Variants in NAALADL2 observed in about 807,000 individuals in gnomAD.
NAALADL2 encodes N-acetylated alpha-linked acidic dipeptidase like 2.
In NAALADL2, 76 loss-of-function variants were observed where a neutral mutation model predicts 87.2. The ratio of observed to expected loss-of-function variants is 0.87; its 90% CI spans 0.72 to 1.05. NAALADL2 has a LOEUF of 1.05. Ranked by LOEUF, NAALADL2 falls within the 50% of genes least tolerant of loss-of-function variation. The pLI is 0.00. For synonymous variants in NAALADL2, 354 were observed against 331.0 expected (o/e 1.07, Z -0.75); for missense variants, 1,089 against 945.8 (o/e 1.15, Z -1.99).
chr3:174,804,785 T>C (rs1020131906), intron 3 of NAALADL2, among the ~76,000 whole-genome samples: 5 of 152,184 alleles, frequency 3.3e-5, no homozygotes, highest in Non-Finnish European at 2.9e-5. Context: ...AATTCTAAAA[T>C]ATTCCTGCTA....
chr3:174,844,868 A>C (rs919009906), intron 3 of NAALADL2, among the ~76,000 whole-genome samples: 1 of 16,144 alleles, frequency 6.2e-5, no homozygotes, highest in East Asian at 1.7e-3. Flanking sequence ...TTTTTGGGGG[A>C]GTCTTTAGGG....
chr3:175,440,754 G>T (rs1269093829), intron 5 of NAALADL2, among the ~76,000 whole-genome samples: 2 of 152,136 alleles, frequency 1.3e-5, no homozygotes, highest in African/African-American at 2.4e-5. Flanking sequence ...AAACTTTGCT[G>T]AATTCATTTA....
chr3:175,129,807 A>T (rs1181476003), intron 2 of NAALADL2, among the ~76,000 whole-genome samples: 1 of 152,204 alleles, frequency 6.6e-6, no homozygotes, highest in Non-Finnish European at 1.5e-5. Context: ...ACTTTGAGAT[A>T]CTAATTTTAT....
Position 175,362,422 on chromosome 3 carries a change from T to G in NAALADL2, c.1090+38097T>G, listed in dbSNP as rs1461863775. Among the ~76,000 whole-genome samples the G allele has an allele frequency of 2.0e-5, 3 of 148,070 alleles. No individual in the cohort carries two copies. In the East Asian group the frequency reaches 5.9e-4, roughly 29 times the overall value. On this transcript the variant is annotated intron_variant, in intron 5 of 13. Transcript: ENST00000454872. ...GTGAAGAAAGTCATTGGTAGCTTGG[T>G]GGGGATGGCATTGAATCTATAAATT...
At chr3:174,787,471 A>G (rs1024111857) in intron 3 of NAALADL2, among the ~76,000 whole-genome samples, 14 of 149,812 alleles carry the variant, frequency 9.3e-5, no homozygotes, top group Non-Finnish European at 1.9e-4. Flanking sequence ...CTCAGTTAAC[A>G]GGATTTGCCA....
chr3:175,546,719 G>C (rs1381516912), intron 9 of NAALADL2, among the ~76,000 whole-genome samples: 2 of 152,022 alleles, frequency 1.3e-5, no homozygotes, highest in African/African-American at 4.8e-5. Context: ...GTTTCTTCTG[G>C]CTTATAGGGT....
chr3:175,431,366 G>C (rs1183596388), intron 5 of NAALADL2, among the ~76,000 whole-genome samples: 1 of 151,936 alleles, frequency 6.6e-6, no homozygotes, highest in Non-Finnish European at 1.5e-5. Flanking sequence ...TTTTTTGTTT[G>C]TTTGTTTGTT....
intron 10 of NAALADL2, among the ~76,000 whole-genome samples, chr3:175,597,804 C>T (rs527563735): frequency 6.6e-6 from 1 of 152,140 alleles, no homozygotes; most frequent in East Asian, 1.9e-4. Flanking sequence ...TTCTGAATTA[C>T]ATGAATATCT....
intron 2 of NAALADL2, among the ~76,000 whole-genome samples, chr3:174,713,412 TC>T: frequency 6.6e-6 from 1 of 152,294 alleles, no homozygotes; most frequent in South Asian, 2.1e-4. Context: ...TAGTTTACAG[TC>T]CCACCAACAG....
At chr3:175,616,462 C>T (rs1725366402) in intron 10 of NAALADL2, among the ~76,000 whole-genome samples, 1 of 151,992 alleles carries the variant, frequency 6.6e-6, no homozygotes. Context: ...TTACTTACAT[C>T]TCATTTTTTT....
intron 2 of NAALADL2, among the ~76,000 whole-genome samples, chr3:174,630,694 T>C (rs977450956): frequency 5.9e-5 from 9 of 152,160 alleles, no homozygotes; most frequent in African/African-American, 1.9e-4. Context: ...AACAGCTTCG[T>C]CTATGTTTAC....
chr3:174,831,242 G>T (rs1722648935), intron 3 of NAALADL2, among the ~76,000 whole-genome samples: 1 of 150,930 alleles, frequency 6.6e-6, no homozygotes, highest in African/African-American at 2.4e-5. Context: ...TTGGCTGTGG[G>T]TTTGTCATAG....
chr3:175,150,061 AT>A, intron 2 of NAALADL2, among the ~76,000 whole-genome samples: 1 of 152,190 alleles, frequency 6.6e-6, no homozygotes, highest in East Asian at 1.9e-4. Flanking sequence ...AGAGGCAATC[AT>A]TTTATACTTC....
chr3:174,471,034 A>G (rs1348128439), intron 1 of NAALADL2, among the ~76,000 whole-genome samples: 4 of 152,058 alleles, frequency 2.6e-5, no homozygotes, highest in Admixed American at 6.6e-5. Context: ...TTGGTAGGTC[A>G]AAGGGCAGGT....
intron 11 of NAALADL2, among the ~76,000 whole-genome samples, chr3:175,698,457 A>T (rs1163517539): frequency 1.6e-5 from 2 of 125,918 alleles, no homozygotes; most frequent in African/African-American, 7.2e-5. Context: ...GTATACATAT[A>T]TGTGTATATA....
intron 2 of NAALADL2, among the ~76,000 whole-genome samples, chr3:175,224,536 C>G (rs1372887081): frequency 6.6e-6 from 1 of 152,070 alleles, no homozygotes; most frequent in Admixed American, 6.6e-5. Flanking sequence ...AATTATTTTA[C>G]TCTCCATCCT....
intron 1 of NAALADL2, among the ~76,000 whole-genome samples, chr3:174,495,770 T>A (rs1234490069): frequency 6.6e-6 from 1 of 151,966 alleles, no homozygotes; most frequent in Non-Finnish European, 1.5e-5. Flanking sequence ...ATGAAAAAAA[T>A]AGCTGAGACT....
chr3:175,576,558 G>A (rs1718926271), intron 10 of NAALADL2, among the ~76,000 whole-genome samples: 2 of 151,888 alleles, frequency 1.3e-5, no homozygotes, highest in South Asian at 2.1e-4. Flanking sequence ...TGCACTTCAT[G>A]GTCTGTATGT....
intron 1 of NAALADL2, among the ~76,000 whole-genome samples, chr3:174,537,989 G>C (rs1295188133): frequency 6.8e-6 from 1 of 148,070 alleles, no homozygotes; most frequent in East Asian, 2.1e-4. Flanking sequence ...TGATTCCCCA[G>C]GATCTATTGC....
Sources: allele counts gnomAD v4.1 joint callset (sites outside exome capture counted in the v4.1 genomes callset), GRCh38; gene constraint gnomAD v4.1.1; transcripts MANE v1.5; gene names NCBI Gene and HGNC (gene_info 2026-07-23, HGNC 2026-07-21).